The following HEBP1 variants were observed in gnomAD, a reference collection of about 807,000 sequenced individuals.
HEBP1 encodes heme binding protein 1.
HEBP1 carries 13 observed loss-of-function variants against 20.4 expected under a neutral mutation model. The ratio of observed to expected loss-of-function variants is 0.64; its 90% CI spans 0.42 to 1.01. The LOEUF is 1.01. HEBP1 is among the 50% of genes least tolerant of loss of function. HEBP1 has a pLI of 0.00. For missense variants in HEBP1, 241 were observed against 247.3 expected (o/e 0.97, Z 0.17); for synonymous variants, 92 against 90.7 (o/e 1.01, Z -0.08).
intron 3 of HEBP1, among the ~76,000 whole-genome samples, chr12:12,978,163 A>G (rs1046856813): frequency 2.7e-5 from 4 of 145,818 alleles, no homozygotes; most frequent in African/African-American, 1.0e-4. Context: ...AAGAGTTTGA[A>G]CCTCATCCTA....
intron 3 of HEBP1, among the ~76,000 whole-genome samples, chr12:12,981,508 T>C (rs1334487327): frequency 2.0e-5 from 3 of 152,148 alleles, no homozygotes; most frequent in African/African-American, 7.2e-5. Context: ...CAGAATCTTA[T>C]CATTGGCAAG....
chr12:12,998,341 C>A lies in HEBP1; in HGVS notation c.78+1696G>T, dbSNP rs908889003. On this transcript the variant is annotated intron_variant, in intron 1 of 3. Coordinates refer to ENST00000014930, the MANE Select transcript of HEBP1 (RefSeq NM_015987.5). The surrounding 1 kb of genome is among the most constrained non-coding windows in gnomAD (Gnocchi z 4.2). ...GAATTATTTTTAAATTGGGTGATTT[C>A]GCTAAGAATCTGGATGTATGGTTTT... Among the ~76,000 whole-genome samples, 2 of 152,230 alleles carry A rather than the reference C, an allele frequency of 1.3e-5. No individual in the cohort carries two copies. The highest frequency in any genetic ancestry group is 1.3e-4 in the Admixed American group (2 of 15,280).
At chr12:12,985,609 C>T (rs1864142485) in intron 3 of HEBP1, 1 of 152,020 alleles carries the variant, frequency 6.6e-6, no homozygotes, top group African/African-American at 2.4e-5. Flanking sequence ...CTATCTCATT[C>T]CTTATGAAAT....
In HEBP1 at chr12:12,989,362, T is replaced by C; in HGVS notation, c.132A>G (p.Val44=). Residue 44 remains valine (V), a synonymous_variant, in exon 2 of 4, where the codon GTA becomes GTG. Transcript: ENST00000014930. The part of the protein sequence containing the change: ...RACEGGKFAT[V]EVTDKPVDEA... The stretch of plus-strand genomic sequence containing the variant: ...CATCCACAGGCTTATCTGTCACTTC[T>C]ACTGTGGCAAATTTGCCGCCTTCAC... The C allele has an allele frequency of 6.8e-6, 11 of 1,614,234 alleles. No individual in the cohort carries two copies. The highest frequency in any genetic ancestry group is 9.3e-6 in the Non-Finnish European group (11 of 1,180,008).
chr12:12,987,616 C>T (rs868294276), intron 2 of HEBP1, among the ~76,000 whole-genome samples: 14 of 148,716 alleles, frequency 9.4e-5, no homozygotes, highest in South Asian at 8.8e-4. Context: ...CTCTCTTTCT[C>T]TCTCTCTCTC....
intron 1 of HEBP1, among the ~76,000 whole-genome samples, chr12:12,990,601 A>G (rs1206825525): frequency 2.0e-5 from 3 of 152,196 alleles, no homozygotes; most frequent in Non-Finnish European, 4.4e-5. Context: ...AACTAATTGT[A>G]GGAAGGAATT....
intron 1 of HEBP1, among the ~76,000 whole-genome samples, chr12:12,997,328 G>A (rs896046202): frequency 3.3e-5 from 5 of 152,194 alleles, no homozygotes; most frequent in Non-Finnish European, 7.3e-5. Flanking sequence ...TTCGATGCAA[G>A]GGATTGGTTG....
At position 12,986,923 on chromosome 12, in the gene HEBP1, C is replaced by G. The variant is rs1864159744; in HGVS notation, c.398+229G>C. The G allele has an allele frequency of 2.0e-6, 1 of 509,382 alleles. No homozygotes were observed. Among genetic ancestry groups the G allele is most frequent in the Non-Finnish European group, 3.5e-6 (1 of 285,512 alleles). The allele number at this position is 509,382 out of a possible 1,614,324, so 31.6% of individuals were successfully genotyped here. A position where few individuals can be genotyped will look rare whatever the true frequency, so the allele number is the denominator to read the frequency against. ...TGTAAGCTTAAGCAAAGCTTAAGCT[C>G]GTCCCATCAATTTGGCAACTGGCCA... On this transcript the variant is annotated intron_variant, in intron 3 of 3. Coordinates refer to ENST00000014930, the MANE Select transcript of HEBP1 (RefSeq NM_015987.5). The surrounding 1 kb of genome is among the most constrained non-coding windows in gnomAD (Gnocchi z 4.3).
At chr12:12,990,383 G>A (rs1864207789) in intron 1 of HEBP1, among the ~76,000 whole-genome samples, 2 of 147,952 alleles carry the variant, frequency 1.4e-5, no homozygotes, top group Non-Finnish European at 3.0e-5. Flanking sequence ...TCCCTATGTT[G>A]TACAGGCTGG....
intron 3 of HEBP1, chr12:12,984,566 C>G (rs1864129549): frequency 6.6e-6 from 1 of 152,068 alleles, no homozygotes; most frequent in Non-Finnish European, 1.5e-5. Context: ...GACAAATGAT[C>G]CACAGATGGA....
intron 3 of HEBP1, among the ~76,000 whole-genome samples, chr12:12,978,320 C>T (rs1167411917): frequency 6.9e-6 from 1 of 144,478 alleles, no homozygotes; most frequent in Non-Finnish European, 1.5e-5. Flanking sequence ...AAGTGATTCT[C>T]CTGCCTTAGC....
intron 1 of HEBP1, among the ~76,000 whole-genome samples, chr12:12,993,163 CTT>C (rs1864246633): frequency 9.4e-6 from 1 of 105,956 alleles, no homozygotes; most frequent in African/African-American, 4.1e-5. Flanking sequence ...TCCTTCCTTC[CTT>C]CCTCTCTCTC....
chr12:12,976,932 A>G (rs4763914), intron 3 of HEBP1, among the ~76,000 whole-genome samples: 4,223 of 152,280 alleles, frequency 0.028, 74 homozygotes, highest in Admixed American at 0.043. Flanking sequence ...CTTTAGTTGG[A>G]GAACCATTTG....
In HEBP1 at chr12:12,987,232, G is replaced by T; in HGVS notation, c.318C>A (p.Asn106Lys). Residue 106 changes from asparagine (N) to lysine (K), a missense_variant, in exon 3 of 4, where the codon AAC (asparagine) becomes AAA (lysine). Asn to Lys is a moderately conservative substitution (Grantham distance 94). Coordinates refer to ENST00000014930, the MANE Select transcript of HEBP1 (RefSeq NM_015987.5). ...KKLKVWFRIP[N>K]QFQSDPPAPS... is the part of the protein sequence containing the mutation. Reference sequence around the variant, plus strand: ...GAGCTGGTGGGTCGCTTTGAAATTGGTTTGGAATCCGGAACCAGACTTTTA... The same window carrying T: ...GAGCTGGTGGGTCGCTTTGAAATTGTTTTGGAATCCGGAACCAGACTTTTA... 6.2e-7 allele frequency: 1 copy of T among 1,614,080 alleles called. No homozygotes were observed. Among genetic ancestry groups the T allele is most frequent in the Non-Finnish European group, 8.5e-7 (1 of 1,180,008 alleles).
At chr12:12,978,336 G>T (rs929643053) in intron 3 of HEBP1, among the ~76,000 whole-genome samples, 1 of 147,736 alleles carries the variant, frequency 6.8e-6, no homozygotes, top group African/African-American at 2.5e-5. Flanking sequence ...TTAGCTTCCC[G>T]AGTAGCTGGG....
intron 3 of HEBP1, among the ~76,000 whole-genome samples, chr12:12,982,088 A>G (rs972114101): frequency 3.3e-5 from 5 of 152,126 alleles, no homozygotes; most frequent in East Asian, 3.9e-4. Context: ...CTCCCAAAGT[A>G]CTAGAATTAC....
chr12:12,995,155 T>C (rs1413471233), intron 1 of HEBP1, among the ~76,000 whole-genome samples: 1 of 152,180 alleles, frequency 6.6e-6, no homozygotes, highest in African/African-American at 2.4e-5. Flanking sequence ...TCCCTATTCA[T>C]CTAACAGGCT....
intron 1 of HEBP1, among the ~76,000 whole-genome samples, chr12:12,994,533 G>C (rs1054785602): frequency 1.3e-5 from 2 of 152,162 alleles, no homozygotes; most frequent in Non-Finnish European, 2.9e-5. Context: ...CAGGCACAAA[G>C]TCCACAGCAA....
At chr12:12,999,967 C>T in intron 1 of HEBP1, 70 bp downstream of exon 1, 1 of 1,099,116 alleles carries the variant, frequency 9.1e-7, no homozygotes, top group South Asian at 1.4e-5. Context: ...TCAGCACCCG[C>T]TGCAGCCCCG....
Sources: allele counts gnomAD v4.1 joint callset (sites outside exome capture counted in the v4.1 genomes callset), GRCh38; gene constraint gnomAD v4.1.1; non-coding constraint Gnocchi (gnomAD v3.1); transcripts MANE v1.5; gene names NCBI Gene and HGNC (gene_info 2026-07-23, HGNC 2026-07-21).